The following RANBP3 variants were observed in gnomAD, a reference collection of about 807,000 sequenced individuals.
The protein encoded by RANBP3 is ran-binding protein 3.
A neutral mutation model predicts 77.3 loss-of-function variants in RANBP3; 14 were observed. The observed-to-expected ratio is 0.18, with a 90% CI of 0.12 to 0.28. RANBP3 has a LOEUF of 0.28. Among genes scored for constraint, RANBP3 ranks in the 10% least tolerant of loss-of-function variants. The pLI is 1.00. For synonymous variants in RANBP3, 315 were observed against 312.4 expected (o/e 1.01, Z -0.09); for missense variants, 586 against 752.3 (o/e 0.78, Z 2.59).
At chr19:5,962,028 C>T (rs770788771) in intron 1 of RANBP3, among the ~76,000 whole-genome samples, 1 of 152,094 alleles carries the variant, frequency 6.6e-6, no homozygotes, top group Non-Finnish European at 1.5e-5. Context: ...GGCGTGCCTG[C>T]CCTGCTGCAC....
At position 5,923,799 on chromosome 19, in the gene RANBP3, G is replaced by A; in HGVS notation, c.1099+13C>T. On this transcript the variant is annotated intron_variant, in intron 12 of 16. Coordinates refer to ENST00000340578, the MANE Select transcript of RANBP3 (RefSeq NM_007322.3). ...TACCATGAGCCCCATGCTGTGGTGG[G>A]ACGCTAACATACCTTTCTCAGGGGT... 6.3e-7 allele frequency: 1 copy of A among 1,590,988 alleles called. No individual in the cohort carries two copies. The highest frequency in any genetic ancestry group is 8.6e-7 in the Non-Finnish European group (1 of 1,159,070).
Position 5,918,535 on chromosome 19 carries a change from C to T in RANBP3, c.1434G>A (p.Met478Ile). Residue 478 changes from methionine to isoleucine, a missense_variant, in exon 15 of 17, where the codon ATG becomes ATA. This residue lies in a region of RANBP3 where 128 missense variants were observed against 157.0 expected (regional missense o/e 0.82). Coordinates refer to ENST00000340578, the MANE Select transcript of RANBP3 (RefSeq NM_007322.3). ...ASEKSIRITA[M>I]DTEDQGVKVF... ...CCTTCACGCCCTGGTCCTCGGTGTC[C>T]ATGGCTGTGATGCGAATGCTCTTCT... 1 of 1,613,572 alleles carries T rather than the reference C, an allele frequency of 6.2e-7. No individual in the cohort carries two copies. Among genetic ancestry groups the T allele is most frequent in the Non-Finnish European group, 8.5e-7 (1 of 1,179,846 alleles).
chr19:5,938,229 G>A (rs887748990), intron 5 of RANBP3, among the ~76,000 whole-genome samples: 7 of 152,180 alleles, frequency 4.6e-5, no homozygotes, highest in African/African-American at 1.7e-4. Flanking sequence ...TATATGGTAG[G>A]TTGGGTTACA....
chr19:5,918,685 T>A, intron 14 of RANBP3, 47 bp from the exon 15 acceptor site: 1 of 1,595,098 alleles, frequency 6.3e-7, no homozygotes, highest in Non-Finnish European at 8.6e-7. Flanking sequence ...ACCGGCCCCC[T>A]CACAAACAGC....
intron 1 of RANBP3, among the ~76,000 whole-genome samples, chr19:5,969,672 G>A (rs1383439735): frequency 6.6e-6 from 1 of 152,236 alleles, no homozygotes; most frequent in African/African-American, 2.4e-5. Flanking sequence ...TCCATGGCTG[G>A]AGACAGGCGC....
chr19:5,957,068 G>C (rs1599778160), intron 2 of RANBP3, among the ~76,000 whole-genome samples: 1 of 151,868 alleles, frequency 6.6e-6, no homozygotes. Flanking sequence ...GCGGGTATGA[G>C]GTGGGGAGTG....
chr19:5,963,339 C>T (rs1248183316), intron 1 of RANBP3, among the ~76,000 whole-genome samples: 3 of 152,084 alleles, frequency 2.0e-5, no homozygotes, highest in Admixed American at 2.0e-4. Context: ...ATCACTTGAG[C>T]CCAGGAGTTG....
chr19:5,965,057 T>G (rs573963200), intron 1 of RANBP3, among the ~76,000 whole-genome samples: 1 of 151,992 alleles, frequency 6.6e-6, no homozygotes, highest in African/African-American at 2.4e-5. Context: ...GGGGGTCTCT[T>G]CCCCTGGTGG....
At chr19:5,971,995 G>A (rs1002873483) in intron 1 of RANBP3, among the ~76,000 whole-genome samples, 3 of 152,222 alleles carry the variant, frequency 2.0e-5, no homozygotes, top group African/African-American at 4.8e-5. Flanking sequence ...GCTGTTTTCT[G>A]AGAGAAATCA....
intron 14 of RANBP3, chr19:5,920,841 C>G (rs2057808550): frequency 6.0e-6 from 1 of 166,728 alleles, no homozygotes; most frequent in East Asian, 1.8e-4. Context: ...AGCCACTGCG[C>G]CTGGCCAAAA....
At chr19:5,977,565 T>TCCGCGGTGTGCGGCTGGC (rs1599817177) in intron 1 of RANBP3, among the ~76,000 whole-genome samples, 1 of 151,140 alleles carries the variant, frequency 6.6e-6, no homozygotes, top group East Asian at 2.0e-4. Context: ...GCTTCCTCCG[T>TCCGCGGTGTGCGGCTGGC]CCGCGGTGTG....
chr19:5,958,612 A>G lies in RANBP3; in HGVS notation c.23-639T>C, dbSNP rs1310674541. 6.6e-6 allele frequency among the ~76,000 whole-genome samples: 1 copy of G among 152,252 alleles called. No individual in the cohort carries two copies. Among genetic ancestry groups the G allele is most frequent in the East Asian group, 1.9e-4 (1 of 5,204 alleles). ...CGGCCTGTAATGCCCACGCAACACC[A>G]TCTGTCTCCTACCCAGGGGCAGCCA... is the stretch of plus-strand genomic sequence containing the variant. On this transcript the variant is annotated intron_variant, in intron 1 of 16. Transcript: ENST00000340578. This position sits in a 1 kb window ranked among gnomAD's most constrained non-coding sequence, Gnocchi z 4.4.
intron 1 of RANBP3, among the ~76,000 whole-genome samples, chr19:5,967,408 A>T (rs1232975879): frequency 6.6e-6 from 1 of 152,198 alleles, no homozygotes; most frequent in African/African-American, 2.4e-5. Flanking sequence ...TCACCACCAG[A>T]TACTTACACT....
chr19:5,931,188 T>C (rs1284673397), intron 8 of RANBP3, among the ~76,000 whole-genome samples: 1 of 152,232 alleles, frequency 6.6e-6, no homozygotes, highest in Non-Finnish European at 1.5e-5. Flanking sequence ...TTCTTCTGCC[T>C]GACCAGCAAG....
chr19:5,964,879 T>A lies in RANBP3; in HGVS notation c.23-6906A>T, dbSNP rs1200056506. Among the ~76,000 whole-genome samples, 4 of 73,460 alleles carry A rather than the reference T, an allele frequency of 5.4e-5. 1 individual carries two copies. In the Admixed American group the frequency reaches 5.6e-4, roughly 10 times the overall value. The allele number at this position is 73,460 out of a possible 152,430, so 48.2% of individuals were successfully genotyped here. A position where few individuals can be genotyped will look rare whatever the true frequency, so the allele number is the denominator to read the frequency against. On this transcript the variant is annotated intron_variant, in intron 1 of 16. Coordinates refer to ENST00000340578, the MANE Select transcript of RANBP3 (RefSeq NM_007322.3). ...GGGGGGGGGGTGGCACGGTGGGGGG[T>A]CACCTCCGCCCTTCCCTGGGGTCTG...
chr19:5,959,806 G>A lies in RANBP3; in HGVS notation c.23-1833C>T, dbSNP rs1309589762. Among the ~76,000 whole-genome samples the A allele has an allele frequency of 6.6e-6, 1 of 152,116 alleles. No homozygotes were observed. Among genetic ancestry groups the A allele is most frequent in the Admixed American group, 6.5e-5 (1 of 15,268 alleles). ...CCCCACAAGCCCAGCCCTGACCTCT[G>A]CATTTGCCTCCCTGCCAGCTGCCAG... is the stretch of plus-strand genomic sequence containing the variant. On this transcript the variant is annotated intron_variant, in intron 1 of 16. Coordinates refer to ENST00000340578, the MANE Select transcript of RANBP3 (RefSeq NM_007322.3). The surrounding 1 kb of genome is among the most constrained non-coding windows in gnomAD (Gnocchi z 5.1).
rs372632733 is a variant in RANBP3 at position 5,958,935 on chromosome 19, G to A, written c.23-962C>T. Reference sequence around the variant, plus strand: ...CACTGGTGCCTCCGCGTTGAGCAGGGTTTGGGAAGAGCCCTGCCTTCGCAG... The same window carrying A: ...CACTGGTGCCTCCGCGTTGAGCAGGATTTGGGAAGAGCCCTGCCTTCGCAG... On this transcript the variant is annotated intron_variant, in intron 1 of 16. Transcript: ENST00000340578. The surrounding 1 kb of genome is among the most constrained non-coding windows in gnomAD (Gnocchi z 4.4). 3.9e-5 allele frequency among the ~76,000 whole-genome samples: 6 copies of A among 152,374 alleles called. No individual in the cohort carries two copies. Among genetic ancestry groups the A allele is most frequent in the East Asian group, 1.9e-4 (1 of 5,174 alleles).
At chr19:5,923,128 C>A (rs781349307) in intron 13 of RANBP3, 66 bp downstream of exon 13, 213 of 1,296,412 alleles carry the variant, frequency 1.6e-4, no homozygotes, top group Non-Finnish European at 2.2e-4. Flanking sequence ...GTGGGCCCAG[C>A]CCTTGCGGTT....
chr19:5,931,080 TCC>T (rs2057983342), intron 8 of RANBP3, among the ~76,000 whole-genome samples: 1 of 152,156 alleles, frequency 6.6e-6, no homozygotes, highest in Non-Finnish European at 1.5e-5. Context: ...CAAGGATCAC[TCC>T]CGTGAGACAT....
Sources: gnomAD v4.1 joint callset for allele counts (sites outside exome capture counted in the v4.1 genomes callset) on GRCh38, gnomAD v4.1.1 for gene constraint, gnomAD v4.1.1 regional missense constraint, Gnocchi (gnomAD v3.1) non-coding constraint, MANE v1.5 for transcripts, NCBI Gene and HGNC (gene_info 2026-07-23, HGNC 2026-07-21) for gene names.